The following SEMA6D variants were observed in gnomAD, a reference collection of about 807,000 sequenced individuals.
The protein encoded by SEMA6D is semaphorin 6D.
A neutral mutation model predicts 106.6 loss-of-function variants in SEMA6D; 35 were observed. The ratio of observed to expected loss-of-function variants is 0.33; its 90% confidence interval spans 0.25 to 0.44. SEMA6D has a LOEUF of 0.44. Ranked by LOEUF, SEMA6D falls within the 20% of genes least tolerant of loss-of-function variation. The pLI is 1.00. For missense variants in SEMA6D, 1,185 were observed against 1,345.9 expected (o/e 0.88, Z 1.87); for synonymous variants, 499 against 487.7 (o/e 1.02, Z -0.31).
chr15:47,457,157 G>T (rs1020099481), intron 2 of SEMA6D, among the ~76,000 whole-genome samples: 1 of 151,944 alleles, frequency 6.6e-6, no homozygotes, highest in Non-Finnish European at 1.5e-5. Context: ...GACTGCTCTG[G>T]TCTTCTATAA....
intron 1 of SEMA6D, chr15:47,399,552 G>T (rs1340450796): frequency 6.6e-6 from 1 of 152,194 alleles, no homozygotes; most frequent in African/African-American, 2.4e-5. Context: ...ACCAATAAAA[G>T]AGGATTTGCT....
At chr15:47,453,819 G>A (rs2042262864) in intron 2 of SEMA6D, among the ~76,000 whole-genome samples, 1 of 151,916 alleles carries the variant, frequency 6.6e-6, no homozygotes, top group Admixed American at 6.6e-5. Context: ...GGCTTGAAAA[G>A]TATTGCAAAT....
At position 47,494,790 on chromosome 15, in the gene SEMA6D, A is replaced by C. The variant is rs1425353406; in HGVS notation, c.-87+24245A>C. Among the ~76,000 whole-genome samples, 47 of 82,852 alleles carry C rather than the reference A, an allele frequency of 5.7e-4. 1 individual carries two copies. Among genetic ancestry groups the C allele is most frequent in the African/African-American group, 2.3e-3 (46 of 20,430 alleles). The allele number at this position is 82,852 out of a possible 152,430, so 54.4% of individuals were successfully genotyped here. On this transcript the variant is annotated intron_variant, in intron 3 of 19. Transcript: ENST00000558014. Reference sequence around the variant, plus strand: ...TATATATATATATATATATATATATAATCTCCAGATACACACACACACACA... The same window carrying C: ...TATATATATATATATATATATATATCATCTCCAGATACACACACACACACA...
chr15:47,511,056 T>C (rs1428229015), intron 3 of SEMA6D, among the ~76,000 whole-genome samples: 2 of 152,232 alleles, frequency 1.3e-5, no homozygotes, highest in Non-Finnish European at 2.9e-5. Flanking sequence ...AATGCCAACA[T>C]GTAAAGCTTC....
chr15:47,296,482 C>G (rs543665432), intron 1 of SEMA6D, among the ~76,000 whole-genome samples: 2 of 152,174 alleles, frequency 1.3e-5, no homozygotes, highest in Non-Finnish European at 2.9e-5. Flanking sequence ...TCCAGATAAC[C>G]AGCTGACATT....
At chr15:47,701,586 A>G (rs959668188) in intron 4 of SEMA6D, among the ~76,000 whole-genome samples, 2 of 152,232 alleles carry the variant, frequency 1.3e-5, no homozygotes, top group African/African-American at 4.8e-5. Context: ...AACCATCTGC[A>G]ATGTATACAG....
At chr15:47,509,657 G>A (rs1459006349) in intron 3 of SEMA6D, among the ~76,000 whole-genome samples, 1 of 152,140 alleles carries the variant, frequency 6.6e-6, no homozygotes, top group Non-Finnish European at 1.5e-5. Context: ...TGTTTACTTG[G>A]CAGTGTCCTC....
rs141678073 is a variant in SEMA6D, at chr15:47,413,355, A to G, written c.-159+883A>G. 3.5e-4 allele frequency among the ~76,000 whole-genome samples: 53 copies of G among 152,304 alleles called. 1 individual carries two copies. In the East Asian group the frequency reaches 0.01, roughly 29 times the overall value. ...GATTCTTTGAACCCCGTTTTGTTTA[A>G]TAGGTTAAATTAAAAACATAATACC... On this transcript the variant is annotated intron_variant, in intron 2 of 19. Coordinates refer to the SEMA6D transcript ENST00000558014.
intron 1 of SEMA6D, among the ~76,000 whole-genome samples, chr15:47,284,275 T>C (rs2035260073): frequency 6.6e-6 from 1 of 152,242 alleles, no homozygotes; most frequent in East Asian, 1.9e-4. Flanking sequence ...ACACTTGTTA[T>C]CACTCACATC....
At chr15:47,411,760 T>G (rs1240733988) in intron 1 of SEMA6D, among the ~76,000 whole-genome samples, 1 of 152,168 alleles carries the variant, frequency 6.6e-6, no homozygotes, top group Non-Finnish European at 1.5e-5. Flanking sequence ...CTCGCATTTC[T>G]TCTGTGTCTG....
intron 2 of SEMA6D, among the ~76,000 whole-genome samples, chr15:47,465,373 G>A (rs112099792): frequency 4.5e-4 from 68 of 152,242 alleles, no homozygotes; most frequent in African/African-American, 1.6e-3. Flanking sequence ...ATAGTTGTCC[G>A]CATCCCAGTT....
chr15:47,433,672 A>G (rs1306455411), intron 2 of SEMA6D, among the ~76,000 whole-genome samples: 1 of 152,110 alleles, frequency 6.6e-6, no homozygotes, highest in African/African-American at 2.4e-5. Context: ...GAGGTTAGTG[A>G]TTAATTTGAA....
At chr15:47,714,207 A>G (rs998756712), upstream of SEMA6D, among the ~76,000 whole-genome samples, 4 of 152,162 alleles carry the variant, frequency 2.6e-5, no homozygotes, top group African/African-American at 9.7e-5. Context: ...GCTATTAACT[A>G]TGACCTCACT....
intron 3 of SEMA6D, among the ~76,000 whole-genome samples, chr15:47,547,865 C>T (rs1024017224): frequency 1.9e-4 from 29 of 152,166 alleles, no homozygotes; most frequent in African/African-American, 7.0e-4. Flanking sequence ...CTTTCACCTA[C>T]GCTAAGCAGA....
At chr15:47,664,760 A>T (rs1172219402) in intron 4 of SEMA6D, among the ~76,000 whole-genome samples, 1 of 152,226 alleles carries the variant, frequency 6.6e-6, no homozygotes. Flanking sequence ...AGGACTGAGC[A>T]TCTGATTGCA....
At chr15:47,545,792 A>T (rs1171395357) in intron 3 of SEMA6D, among the ~76,000 whole-genome samples, 6 of 152,140 alleles carry the variant, frequency 3.9e-5, no homozygotes, top group Admixed American at 6.6e-5. Flanking sequence ...ACATCTGAGG[A>T]CATTCTATTT....
intron 3 of SEMA6D, among the ~76,000 whole-genome samples, chr15:47,561,104 C>T (rs1188035637): frequency 6.8e-6 from 1 of 147,124 alleles, no homozygotes; most frequent in Non-Finnish European, 1.5e-5. Flanking sequence ...TAAAACTTCC[C>T]AAATTTAATT....
chr15:47,683,068 A>AT (rs1465194615), intron 4 of SEMA6D, among the ~76,000 whole-genome samples: 2 of 152,176 alleles, frequency 1.3e-5, no homozygotes, highest in Non-Finnish European at 2.9e-5. Flanking sequence ...TATTTTTTAT[A>AT]TTTTTTATAG....
intron 1 of SEMA6D, among the ~76,000 whole-genome samples, chr15:47,246,081 G>T (rs563591391): frequency 6.6e-6 from 1 of 152,198 alleles, no homozygotes; most frequent in East Asian, 1.9e-4. Context: ...CTTTCATAAT[G>T]CTTTAAAGAA....
Sources: allele counts gnomAD v4.1 joint callset (sites outside exome capture counted in the v4.1 genomes callset), GRCh38; gene constraint gnomAD v4.1.1; transcripts MANE v1.5; gene names NCBI Gene and HGNC (gene_info 2026-07-23, HGNC 2026-07-21).